Variants in CTNNA1 observed in about 807,000 individuals in gnomAD.
CTNNA1 encodes catenin alpha 1, also known as catenin alpha-1.
A neutral mutation model predicts 98.4 loss-of-function variants in CTNNA1; 37 were observed. The observed-to-expected ratio is 0.38, with a 90% CI of 0.29 to 0.49. The LOEUF (loss-of-function observed/expected upper bound fraction) is 0.49. Among genes scored for constraint, CTNNA1 ranks in the 20% least tolerant of loss-of-function variants. The probability of loss-of-function intolerance (pLI) is 0.95; values close to 1 mark genes in which losing one functional copy is unlikely to be tolerated. For missense variants in CTNNA1, 761 were observed against 1,147.2 expected, an observed-to-expected ratio of 0.66 and a Z score of 4.86; for synonymous variants, 404 against 413.2, an observed-to-expected ratio of 0.98 and a Z score of 0.27.
chr5:138,899,355 T>C (rs1336771119), intron 9 of CTNNA1, among the ~76,000 whole-genome samples: 1 of 152,224 alleles, frequency 6.6e-6, no homozygotes, highest in Non-Finnish European at 1.5e-5. Flanking sequence ...GTACTACTAA[T>C]ACATAACCTC....
intron 1 of CTNNA1, among the ~76,000 whole-genome samples, chr5:138,778,523 T>C (rs1580958141): frequency 6.6e-6 from 1 of 152,340 alleles, no homozygotes; most frequent in African/African-American, 2.4e-5. Context: ...CTCAGGTTTC[T>C]GGACTGTGAA....
At chr5:138,884,070 C>G (rs1489415346) in intron 7 of CTNNA1, among the ~76,000 whole-genome samples, 1 of 152,202 alleles carries the variant, frequency 6.6e-6, no homozygotes, top group Non-Finnish European at 1.5e-5. Context: ...GTGGTTGGGT[C>G]ATACCTTGAT....
chr5:138,882,217 G>T (rs1753061888), intron 7 of CTNNA1, among the ~76,000 whole-genome samples: 1 of 152,210 alleles, frequency 6.6e-6, no homozygotes, highest in Non-Finnish European at 1.5e-5. Flanking sequence ...TAGGGCTGAG[G>T]TTGGCTAGCA....
chr5:138,896,428 A>T (rs1014212594), intron 9 of CTNNA1, among the ~76,000 whole-genome samples: 6 of 152,166 alleles, frequency 3.9e-5, no homozygotes, highest in Non-Finnish European at 5.9e-5. Flanking sequence ...AATATTCGCC[A>T]TGAGATCTCT....
At chr5:138,877,913 G>T (rs1752022352) in intron 7 of CTNNA1, among the ~76,000 whole-genome samples, 1 of 152,124 alleles carries the variant, frequency 6.6e-6, no homozygotes, top group African/African-American at 2.4e-5. Context: ...TAGTCAGTTG[G>T]ATTAGAGCCA....
At chr5:138,845,301 A>G (rs1762609760) in intron 7 of CTNNA1, among the ~76,000 whole-genome samples, 1 of 152,246 alleles carries the variant, frequency 6.6e-6, no homozygotes, top group Non-Finnish European at 1.5e-5. Context: ...AATGTCAAAC[A>G]CTAAGCTAGT....
Position 138,933,102 on chromosome 5 carries a change from C to T in CTNNA1, c.2433+390C>T, listed in dbSNP as rs575423594. 2.3e-5 allele frequency: 15 copies of T among 657,292 alleles called. No individual in the cohort carries two copies. The East Asian group carries it at 2.9e-4, about 13-fold the overall frequency. The allele number at this position is 657,292 out of a possible 1,614,324, so 40.7% of individuals were successfully genotyped here. Reference sequence around the variant, plus strand: ...TGAGCCGAGATGGCACCACTGCACTCCCGTCTGGGCAACAGAACAAGACTG... The same window carrying T: ...TGAGCCGAGATGGCACCACTGCACTTCCGTCTGGGCAACAGAACAAGACTG... On this transcript the variant is annotated intron_variant, in intron 17 of 17. Transcript: ENST00000302763.
At chr5:138,909,800 C>T (rs866230614) in intron 10 of CTNNA1, among the ~76,000 whole-genome samples, 4 of 152,140 alleles carry the variant, frequency 2.6e-5, no homozygotes, top group South Asian at 4.1e-4. Context: ...GCTTGACACA[C>T]ATCAAATAAG....
chr5:138,878,263 G>T (rs919787403), intron 7 of CTNNA1, among the ~76,000 whole-genome samples: 3 of 152,156 alleles, frequency 2.0e-5, no homozygotes, highest in African/African-American at 7.2e-5. Context: ...TCAGGCTGTG[G>T]AACCAAAGAA....
At chr5:138,793,468 T>C (rs1203206180) in intron 3 of CTNNA1, among the ~76,000 whole-genome samples, 1 of 152,224 alleles carries the variant, frequency 6.6e-6, no homozygotes, top group Non-Finnish European at 1.5e-5. Flanking sequence ...TTTTCCCCTT[T>C]TATTAAAAAG....
chr5:138,884,469 G>C lies in CTNNA1; in HGVS notation c.1063-1743G>C, dbSNP rs576033226. Among the ~76,000 whole-genome samples the C allele has an allele frequency of 2.0e-5, 3 of 152,286 alleles. No homozygotes were observed. In the East Asian group the frequency reaches 5.8e-4, roughly 29 times the overall value. On this transcript the variant is annotated intron_variant, in intron 7 of 17. Coordinates refer to ENST00000302763, the MANE Select transcript of CTNNA1 (RefSeq NM_001903.5). ...GGAAGGAGATTCTCTACAGAATGTA[G>C]ATTTTCCCCAAAAGTGACCAATTTG...
At chr5:138,877,445 T>C (rs1029946799) in intron 7 of CTNNA1, among the ~76,000 whole-genome samples, 6 of 150,354 alleles carry the variant, frequency 4.0e-5, no homozygotes, top group Middle Eastern at 3.2e-3. Flanking sequence ...AAATTTCTTT[T>C]TTTTTTTTTT....
At chr5:138,851,871 C>G (rs989861311) in intron 7 of CTNNA1, among the ~76,000 whole-genome samples, 1 of 152,108 alleles carries the variant, frequency 6.6e-6, no homozygotes, top group Non-Finnish European at 1.5e-5. Context: ...ATCTGGCCAA[C>G]ATGGTGAAAC....
At chr5:138,829,023 G>A (rs532199094) in intron 7 of CTNNA1, among the ~76,000 whole-genome samples, 1 of 152,270 alleles carries the variant, frequency 6.6e-6, no homozygotes, top group African/African-American at 2.4e-5. Flanking sequence ...TCGGGAGGCT[G>A]AGGCGGAAGA....
intron 7 of CTNNA1, among the ~76,000 whole-genome samples, chr5:138,838,149 C>T (rs1761965084): frequency 6.6e-6 from 1 of 152,254 alleles, no homozygotes; most frequent in South Asian, 2.1e-4. Flanking sequence ...GCTATACCCA[C>T]CTCAGCCTCC....
At chr5:138,814,334 C>T (rs1352068154) in intron 5 of CTNNA1, among the ~76,000 whole-genome samples, 9 of 151,880 alleles carry the variant, frequency 5.9e-5, no homozygotes, top group Non-Finnish European at 1.2e-4. Flanking sequence ...CCACAACCTC[C>T]GCCTCCCGGG....
chr5:138,819,061 T>C (rs1759740193), intron 5 of CTNNA1, among the ~76,000 whole-genome samples: 1 of 76,864 alleles, frequency 1.3e-5, no homozygotes, highest in African/African-American at 4.2e-5. Flanking sequence ...GGGCACAGCA[T>C]TGGCGTGATT....
intron 7 of CTNNA1, chr5:138,872,795 G>C (rs1286980565): frequency 2.3e-6 from 1 of 443,418 alleles, no homozygotes; most frequent in Non-Finnish European, 4.0e-6. Flanking sequence ...CTTTCCAACA[G>C]GAGTGCAAAT....
chr5:138,775,714 CTTTTTTTT>C (rs750615535), intron 1 of CTNNA1, among the ~76,000 whole-genome samples: 2,621 of 82,606 alleles, frequency 0.032, 52 homozygotes, highest in African/African-American at 0.11. Flanking sequence ...GGAAATATTT[CTTTTTTTT>C]TTTTTTTTTT....
Sources: allele counts gnomAD v4.1 joint callset (sites outside exome capture counted in the v4.1 genomes callset), GRCh38; gene constraint gnomAD v4.1.1; transcripts MANE v1.5; gene names NCBI Gene and HGNC (gene_info 2026-07-23, HGNC 2026-07-21).